The following ATP1A2 variants were observed in gnomAD, a reference collection of about 807,000 sequenced individuals.
ATP1A2 encodes sodium/potassium-transporting ATPase subunit alpha-2.
In ATP1A2, 56 loss-of-function variants were observed where a neutral mutation model predicts 113.1. That is an observed-to-expected ratio of 0.49 (90% CI 0.40 to 0.62). The LOEUF is 0.62. Ranked by LOEUF, ATP1A2 falls within the 20% of genes least tolerant of loss-of-function variation. The pLI is 0.00. For synonymous variants in ATP1A2, 490 were observed against 526.8 expected (o/e 0.93, Z 0.96); for missense variants, 712 against 1,357.8 (o/e 0.52, Z 7.47).
intron 1 of ATP1A2, among the ~76,000 whole-genome samples, chr1:160,119,256 C>CAAA (rs386368465): frequency 0.025 from 1,223 of 49,376 alleles, 335 homozygotes; most frequent in African/African-American, 0.055. Context: ...CATTATCCTG[C>CAAA]AAAAAAAAAA....
intron 20 of ATP1A2, among the ~76,000 whole-genome samples, chr1:160,138,548 A>G (rs1442915651): frequency 6.6e-6 from 1 of 152,230 alleles, no homozygotes. Context: ...GTAAGAATAC[A>G]AAAGATGGAG....
intron 20 of ATP1A2, among the ~76,000 whole-genome samples, chr1:160,139,203 C>G (rs1193114292): frequency 2.0e-5 from 3 of 152,086 alleles, no homozygotes; most frequent in Non-Finnish European, 4.4e-5. Flanking sequence ...ATAATGAAAC[C>G]ACCACCAGGA....
intron 13 of ATP1A2, 59 bp downstream of exon 13, chr1:160,130,656 C>T: frequency 6.2e-7 from 1 of 1,609,682 alleles, no homozygotes; most frequent in Admixed American, 1.7e-5. Flanking sequence ...GTTCAAGGAG[C>T]TGCAGTGGCT....
Position 160,136,138 on chromosome 1 carries a change from C to T in ATP1A2, c.2440-109C>T. On this transcript the variant is annotated intron_variant, in intron 17 of 22. Coordinates refer to ENST00000361216, the MANE Select transcript of ATP1A2 (RefSeq NM_000702.4). ...CCTGGAAGACAATGGGGTCTGAATA[C>T]ACGCTTTTTTAACTGTGTCAACGAT... The T allele has an allele frequency of 2.5e-6, 4 of 1,600,722 alleles. No individual in the cohort carries two copies. The Admixed American group carries it at 6.7e-5, about 27-fold the overall frequency.
Position 160,139,877 on chromosome 1 carries a change from C to T in ATP1A2, c.2943-16C>T, listed in dbSNP as rs1652079939. 1.9e-6 allele frequency: 3 copies of T among 1,613,614 alleles called. No individual in the cohort carries two copies. Among genetic ancestry groups the T allele is most frequent in the African/African-American group, 1.3e-5 (1 of 74,908 alleles). ...CAACCTCTGATGCTGCTGACACTCT[C>T]CTCCATTGCTTTCAGAGTCACCTGG... On this transcript the variant is annotated splice_polypyrimidine_tract_variant and intron_variant, in intron 21 of 22. Transcript: ENST00000361216.
At chr1:160,122,896 T>C (rs576516197) in intron 3 of ATP1A2, among the ~76,000 whole-genome samples, 1 of 152,292 alleles carries the variant, frequency 6.6e-6, no homozygotes, top group South Asian at 2.1e-4. Flanking sequence ...GAAAAAACAG[T>C]TGAGGTGTCT....
chr1:160,122,714 T>C (rs772020721), intron 3 of ATP1A2, among the ~76,000 whole-genome samples: 26 of 152,148 alleles, frequency 1.7e-4, no homozygotes, highest in Non-Finnish European at 2.6e-4. Flanking sequence ...TCTCAGCTAC[T>C]TGGGAGGCTG....
At chr1:160,134,296 CACACACACAT>C (rs1173145519) in intron 13 of ATP1A2, among the ~76,000 whole-genome samples, 178 bp from the exon 14 acceptor site, 2 of 151,766 alleles carry the variant, frequency 1.3e-5, no homozygotes, top group East Asian at 1.9e-4. Flanking sequence ...CACACATACA[CACACACACAT>C]ACACCCCACC....
chr1:160,126,310 T>C (rs1016064107), intron 7 of ATP1A2, among the ~76,000 whole-genome samples: 2 of 152,252 alleles, frequency 1.3e-5, no homozygotes, highest in African/African-American at 2.4e-5. Flanking sequence ...TATACTGTTT[T>C]GTTTTTAAAT....
Position 160,127,544 on chromosome 1 carries a change from T to C in ATP1A2, c.749-8T>C, listed in dbSNP as rs1651624118. 6.2e-7 allele frequency: 1 copy of C among 1,614,070 alleles called. No homozygotes were observed. The highest frequency in any genetic ancestry group is 1.1e-5 in the South Asian group (1 of 91,096). On this transcript the variant is annotated splice_region_variant and splice_polypyrimidine_tract_variant and intron_variant, in intron 7 of 22. Transcript: ENST00000361216. ...AGGCACCCAACCTGATGCCCCACCA[T>C]GTTGCAGGCACTGCCAGGGGCATTG...
At chr1:160,123,086 C>A in intron 3 of ATP1A2, 127 bp from the exon 4 acceptor site, 2 of 1,080,916 alleles carry the variant, frequency 1.9e-6, no homozygotes, top group South Asian at 1.3e-5. Context: ...GGTCCCCCAC[C>A]CCTTCCAACC....
chr1:160,135,341 G>A lies in ATP1A2; in HGVS notation c.2115+46G>A. The A allele has an allele frequency of 6.2e-7, 1 of 1,614,232 alleles. No individual in the cohort carries two copies. The highest frequency in any genetic ancestry group is 8.5e-7 in the Non-Finnish European group (1 of 1,180,046). ...CAGATGACAGGCAGGGACCGGGGAG[G>A]CAGGGACAGGGCCAAGACAAGCATG... is the stretch of plus-strand genomic sequence containing the variant. On this transcript the variant is annotated intron_variant, in intron 15 of 22. Transcript: ENST00000361216. The surrounding 1 kb of genome is among the most constrained non-coding windows in gnomAD (Gnocchi z 6.3).
chr1:160,119,256 CAAAAAAAAAAAAAA>C (rs386368465), intron 1 of ATP1A2, among the ~76,000 whole-genome samples: 7 of 49,464 alleles, frequency 1.4e-4, no homozygotes, highest in Non-Finnish European at 1.6e-4. Context: ...CATTATCCTG[CAAAAAAAAAAAAAA>C]AAAAAAAAAA....
In ATP1A2 at chr1:160,130,286, T is replaced by C; in HGVS notation, c.1646T>C (p.Val549Ala). The change falls in exon 12 of 23, where the codon GTG (valine) becomes GCG (alanine). Residue 549 changes from valine to alanine, a missense_variant. By Grantham distance (64) the Val-to-Ala change is moderately conservative (BLOSUM62 0). Coordinates refer to ENST00000361216, the MANE Select transcript of ATP1A2 (RefSeq NM_000702.4). ...YMELGGLGER[V>A]LGFCQLNLPS... ...GAGCTGGGGGGACTTGGGGAGCGTG[T>C]GCTGGGTGAGAGGCCAGAAACAGGA... The C allele has an allele frequency of 6.2e-7, 1 of 1,614,090 alleles. No individual in the cohort carries two copies. The highest frequency in any genetic ancestry group is 8.5e-7 in the Non-Finnish European group (1 of 1,180,010).
chr1:160,123,194 C>A lies in ATP1A2; in HGVS notation c.178-19C>A. 1.2e-6 allele frequency: 2 copies of A among 1,613,900 alleles called. No individual in the cohort carries two copies. Among genetic ancestry groups the A allele is most frequent in the Non-Finnish European group, 1.7e-6 (2 of 1,180,000 alleles). ...TTGGCTCCGGATGCGTGCCCCTACGCCTCTCCTTGCTCCCTCAGGGCCTCA... is the reference window on the plus strand; with the variant it reads ...TTGGCTCCGGATGCGTGCCCCTACGACTCTCCTTGCTCCCTCAGGGCCTCA... On this transcript the variant is annotated intron_variant, in intron 3 of 22. Transcript: ENST00000361216.
In ATP1A2 at chr1:160,140,054, G is replaced by A. The variant is rs1274171563; in HGVS notation, c.3034+70G>A. 5.5e-6 allele frequency: 8 copies of A among 1,454,090 alleles called. No individual in the cohort carries two copies. In the East Asian group the frequency reaches 6.8e-5, roughly 12 times the overall value. The allele number at this position is 1,454,090 out of a possible 1,614,324, so 90.1% of individuals were successfully genotyped here. On this transcript the variant is annotated intron_variant, in intron 22 of 22. Coordinates refer to ENST00000361216, the MANE Select transcript of ATP1A2 (RefSeq NM_000702.4). ...CCAGCTCCTCCCTCCAGGACCACAC[G>A]CAGACTCCACTCCCACTACTGGTTC... is the stretch of plus-strand genomic sequence containing the variant.
chr1:160,120,955 G>A lies in ATP1A2; in HGVS notation c.62G>A (p.Gly21Asp). 1 of 1,612,008 alleles carries A rather than the reference G, an allele frequency of 6.2e-7. No individual in the cohort carries two copies. Among genetic ancestry groups the A allele is most frequent in the Non-Finnish European group, 8.5e-7 (1 of 1,178,946 alleles). The change falls in exon 2 of 23, where the codon GGC becomes GAC. Residue 21 changes from glycine to aspartate, a missense_variant. Gly to Asp is a moderately conservative substitution (Grantham distance 94). Around this residue, in one of 6 missense-constraint regions of ATP1A2, gnomAD observed 109 missense variants for 162.3 expected, o/e 0.67. Transcript: ENST00000361216. Reference protein sequence around the residue: ...PAATTAENGGGKKKQKEKELD... With the variant: ...PAATTAENGGDKKKQKEKELD... ...GCCACCACGGCAGAGAATGGGGGCGGCAAGAAGAAACAGAAGGAGAAGGAA... is the reference window on the plus strand; with the variant it reads ...GCCACCACGGCAGAGAATGGGGGCGACAAGAAGAAACAGAAGGAGAAGGAA...
intron 9 of ATP1A2, 47 bp from the exon 10 acceptor site, chr1:160,128,933 G>A: frequency 1.3e-6 from 2 of 1,597,090 alleles, no homozygotes; most frequent in Non-Finnish European, 1.7e-6. Context: ...TTGAGATAAA[G>A]GCTCTAAAGG....
At position 160,130,612 on chromosome 1, in the gene ATP1A2, T is replaced by TCCTC. The variant is rs1327045938; in HGVS notation, c.1827+18_1827+21dup. On this transcript the variant is annotated intron_variant, in intron 13 of 22. Transcript: ENST00000361216. ...CAGGCATCAAGGTACTGGCCTCCCA[T>TCCTC]CCTCCCCTCCATTCTAGCCTCCCCC... 6.2e-7 allele frequency: 1 copy of TCCTC among 1,613,938 alleles called. No homozygotes were observed. Among genetic ancestry groups the TCCTC allele is most frequent in the Non-Finnish European group, 8.5e-7 (1 of 1,179,988 alleles).
Sources: allele counts gnomAD v4.1 joint callset (sites outside exome capture counted in the v4.1 genomes callset), GRCh38; gene constraint gnomAD v4.1.1; regional missense constraint gnomAD v4.1.1; non-coding constraint Gnocchi (gnomAD v3.1); transcripts MANE v1.5; gene names NCBI Gene and HGNC (gene_info 2026-07-23, HGNC 2026-07-21).